Variants in CSN1S1 observed in about 807,000 individuals in gnomAD.
CSN1S1 encodes alpha-S1-casein.
CSN1S1 carries 63 observed loss-of-function variants against 49.1 expected under a neutral mutation model. The ratio of observed to expected loss-of-function variants is 1.28; its 90% CI spans 1.05 to 1.58. The LOEUF (loss-of-function observed/expected upper bound fraction) is 1.58. CSN1S1 is among the 40% of genes most tolerant of loss of function. The probability of loss-of-function intolerance (pLI) is 0.00; values close to 1 mark genes in which losing one functional copy is unlikely to be tolerated. For synonymous variants in CSN1S1, 78 were observed against 67.1 expected, an observed-to-expected ratio of 1.16 and a Z score of -0.79; for missense variants, 260 against 224.7, an observed-to-expected ratio of 1.16 and a Z score of -1.01.
At chr4:69,936,660 G>T in intron 7 of CSN1S1, 53 bp downstream of exon 7, 1 of 1,502,072 alleles carries the variant, frequency 6.7e-7, no homozygotes, top group South Asian at 1.3e-5. Flanking sequence ...TCTTGTAGTA[G>T]AAAAAAAGTT....
At chr4:69,938,165 A>G (rs1722857275) in intron 9 of CSN1S1, among the ~76,000 whole-genome samples, 1 of 151,806 alleles carries the variant, frequency 6.6e-6, no homozygotes, top group African/African-American at 2.4e-5. Flanking sequence ...TGAGAGTCCC[A>G]CAGAACACTG....
chr4:69,932,503 G>T (rs192060823), intron 1 of CSN1S1, 41 bp from the exon 2 acceptor site: 3 of 1,513,096 alleles, frequency 2.0e-6, no homozygotes, highest in African/African-American at 1.4e-5. Flanking sequence ...CAAATTTAAC[G>T]TAATAATATC....
At chr4:69,940,108 CTT>C (rs1722926696) in intron 11 of CSN1S1, 64 bp downstream of exon 11, 2 of 584,086 alleles carry the variant, frequency 3.4e-6, no homozygotes, top group Non-Finnish European at 5.6e-6. Flanking sequence ...AATGCACTTA[CTT>C]TCACACACAC....
chr4:69,945,461 T>C (rs1393359400), intron 15 of CSN1S1, among the ~76,000 whole-genome samples: 2 of 151,986 alleles, frequency 1.3e-5, no homozygotes, highest in Admixed American at 1.3e-4. Flanking sequence ...TACTTGAAAT[T>C]TTATAATAAT....
Position 69,942,557 on chromosome 4 carries a change from G to T in CSN1S1, c.382G>T (p.Glu128Ter). ...GCAGGAGCAAATTCGCAGAATGAAT[G>T]AAAACAGCCATGTCCAAGTGGTAAT... Reference protein sequence around the residue: ...HAQEQIRRMNENSHVQVPFQQ... With the variant: ...HAQEQIRRMN Residue 128 changes from glutamate to a stop codon, truncating the protein, a stop_gained, in exon 14 of 16, where the codon GAA (glutamate) becomes TAA (stop). Coordinates refer to ENST00000246891, the MANE Select transcript of CSN1S1 (RefSeq NM_001890.2). LOFTEE classifies it high-confidence loss of function. The T allele has an allele frequency of 6.3e-7, 1 of 1,588,096 alleles. No individual in the cohort carries two copies.
chr4:69,937,853 C>G, intron 9 of CSN1S1, 30 bp downstream of exon 9: 1 of 1,538,544 alleles, frequency 6.5e-7, no homozygotes, highest in Non-Finnish European at 8.8e-7. Flanking sequence ...GTGAACTCTA[C>G]ACTTACGTAT....
intron 14 of CSN1S1, 116 bp from the exon 15 acceptor site, chr4:69,944,734 A>AT (rs1009866357): frequency 9.2e-7 from 1 of 1,088,890 alleles, no homozygotes. Flanking sequence ...CAGAGTAATC[A>AT]TTTTTTATCA....
chr4:69,942,604 A>G (rs1253675735), intron 14 of CSN1S1, 27 bp downstream of exon 14: 1 of 1,538,676 alleles, frequency 6.5e-7, no homozygotes, highest in African/African-American at 1.4e-5. Flanking sequence ...TATATTACAA[A>G]ACGATAATAT....
chr4:69,935,910 AC>A lies in CSN1S1; in HGVS notation c.106-15del. The A allele has an allele frequency of 6.8e-7, 1 of 1,475,796 alleles. No homozygotes were observed. The highest frequency in any genetic ancestry group is 9.2e-7 in the Non-Finnish European group (1 of 1,083,006). 91.4% of individuals were successfully genotyped at this position (1,475,796 alleles called of 1,614,324 possible). On this transcript the variant is annotated splice_polypyrimidine_tract_variant and intron_variant, in intron 4 of 15. Transcript: ENST00000246891. Reference sequence around the variant, plus strand: ...TCAACTATGAATGAATTTTAACATAACTTTTTTTTTTGTAGCCTATACCATT... The same window carrying A: ...TCAACTATGAATGAATTTTAACATAATTTTTTTTTTGTAGCCTATACCATT...
Position 69,933,744 on chromosome 4 carries a change from C to A in CSN1S1, c.52-468C>A, listed in dbSNP as rs184824793. ...CCACACTCAAAATGCAGAATGAGAT[C>A]AATTTTCGTATAATTTAAGTGATGA... On this transcript the variant is annotated intron_variant, in intron 2 of 15. Coordinates refer to ENST00000246891, the MANE Select transcript of CSN1S1 (RefSeq NM_001890.2). Among the ~76,000 whole-genome samples, 193 of 151,982 alleles carry A rather than the reference C, an allele frequency of 1.3e-3. 1 individual carries two copies. Among genetic ancestry groups the A allele is most frequent in the African/African-American group, 4.4e-3 (181 of 41,512 alleles).
chr4:69,936,196 A>C (rs1324186835), intron 5 of CSN1S1, among the ~76,000 whole-genome samples: 2 of 152,046 alleles, frequency 1.3e-5, no homozygotes, highest in Non-Finnish European at 2.9e-5. Context: ...TGAAAAATAA[A>C]TTTATTTTTA....
chr4:69,934,756 C>G (rs376358396), intron 4 of CSN1S1, 46 bp downstream of exon 4: 324 of 1,557,374 alleles, frequency 2.1e-4, no homozygotes, highest in Non-Finnish European at 2.7e-4. Flanking sequence ...TCCTTTTGCT[C>G]TCTTTCAGTT....
chr4:69,936,705 T>A (rs546145378), intron 7 of CSN1S1, 98 bp downstream of exon 7: 2 of 1,130,532 alleles, frequency 1.8e-6, no homozygotes, highest in East Asian at 5.2e-5. Flanking sequence ...TTCTATGGTT[T>A]TGTCCTTTCC....
Position 69,942,485 on chromosome 4 carries a change from G to A in CSN1S1, c.361-51G>A, listed in dbSNP as rs763317243. On this transcript the variant is annotated intron_variant, in intron 13 of 15. Transcript: ENST00000246891. ...TTCTGGTGCAATGTAAGATAAATGT[G>A]TTGTACCAGAAGATGTCTAAGTAAT... The A allele has an allele frequency of 3.0e-6, 4 of 1,355,804 alleles. No individual in the cohort carries two copies. The African/African-American group carries it at 4.3e-5, about 15-fold the overall frequency. The allele number at this position is 1,355,804 out of a possible 1,614,324, so 84.0% of individuals were successfully genotyped here. A position where few individuals can be genotyped will look rare whatever the true frequency, so the allele number is the denominator to read the frequency against.
At chr4:69,945,192 T>C (rs1279433852) in intron 15 of CSN1S1, among the ~76,000 whole-genome samples, 188 bp downstream of exon 15, 1 of 152,038 alleles carries the variant, frequency 6.6e-6, no homozygotes, top group East Asian at 1.9e-4. Context: ...TATTATCAAT[T>C]TCTTAGTAAC....
intron 4 of CSN1S1, 75 bp downstream of exon 4, chr4:69,934,785 A>C: frequency 7.6e-7 from 1 of 1,307,366 alleles, no homozygotes. Flanking sequence ...TGCATGTTGA[A>C]TGTCTTCTTC....
At chr4:69,939,086 G>T in intron 9 of CSN1S1, 90 bp from the exon 10 acceptor site, 1 of 885,654 alleles carries the variant, frequency 1.1e-6, no homozygotes, top group Non-Finnish European at 1.8e-6. Flanking sequence ...TGTTACCATG[G>T]TAAGCATTTC....
chr4:69,944,442 C>T (rs1423055766), intron 14 of CSN1S1, among the ~76,000 whole-genome samples: 1 of 151,884 alleles, frequency 6.6e-6, no homozygotes, highest in Non-Finnish European at 1.5e-5. Context: ...GGTGCGGGGC[C>T]TGTACTTTGA....
At chr4:69,931,422 T>G (rs1404893676) in intron 1 of CSN1S1, among the ~76,000 whole-genome samples, 1 of 151,966 alleles carries the variant, frequency 6.6e-6, no homozygotes, top group African/African-American at 2.4e-5. Flanking sequence ...TAAATTATTT[T>G]TACCTAATTC....
Sources: gnomAD v4.1 joint callset for allele counts (sites outside exome capture counted in the v4.1 genomes callset) on GRCh38, gnomAD v4.1.1 for gene constraint, MANE v1.5 for transcripts, NCBI Gene and HGNC (gene_info 2026-07-23, HGNC 2026-07-21) for gene names.